KCNH5: variants seen among roughly 807,000 people sequenced by gnomAD.
The protein encoded by KCNH5 is potassium voltage-gated channel subfamily H member 5.
A neutral mutation model predicts 96.1 loss-of-function variants in KCNH5; 46 were observed. That is an observed-to-expected ratio of 0.48 (90% CI 0.38 to 0.61). The LOEUF is 0.61. Among genes scored for constraint, KCNH5 ranks in the 20% least tolerant of loss-of-function variants. The probability of loss-of-function intolerance (pLI) is 0.00; values close to 1 mark genes in which losing one functional copy is unlikely to be tolerated. For synonymous variants in KCNH5, 439 were observed against 449.8 expected, an observed-to-expected ratio of 0.98 and a Z score of 0.30; for missense variants, 907 against 1,225.8, an observed-to-expected ratio of 0.74 and a Z score of 3.88.
At chr14:62,994,365 C>T (rs1277151153) in intron 4 of KCNH5, among the ~76,000 whole-genome samples, 3 of 152,006 alleles carry the variant, frequency 2.0e-5, no homozygotes, top group African/African-American at 7.2e-5. Flanking sequence ...GTTTTGGAGT[C>T]TGTTTGAAAA....
At chr14:62,798,599 T>A (rs2139995850) in intron 9 of KCNH5, among the ~76,000 whole-genome samples, 1 of 152,336 alleles carries the variant, frequency 6.6e-6, no homozygotes, top group East Asian at 1.9e-4. Context: ...CTGAAAGAAC[T>A]TTGAAAGAAC....
chr14:62,830,417 T>A (rs1887319471), intron 8 of KCNH5, among the ~76,000 whole-genome samples: 2 of 152,176 alleles, frequency 1.3e-5, no homozygotes, highest in Admixed American at 1.3e-4. Context: ...GACTGGATAA[T>A]TTATGAAGAA....
At chr14:62,823,964 T>C (rs1168999113) in intron 8 of KCNH5, among the ~76,000 whole-genome samples, 1 of 151,900 alleles carries the variant, frequency 6.6e-6, no homozygotes, top group African/African-American at 2.4e-5. Flanking sequence ...AACGAATCTT[T>C]CTATGCAGAG....
intron 1 of KCNH5, among the ~76,000 whole-genome samples, chr14:63,024,470 A>G (rs1891489829): frequency 6.6e-6 from 1 of 152,066 alleles, no homozygotes; most frequent in Non-Finnish European, 1.5e-5. Context: ...CTAGAAAAAC[A>G]ACTTTAAAAG....
At chr14:62,713,026 A>C (rs1884605127) in intron 10 of KCNH5, among the ~76,000 whole-genome samples, 1 of 152,190 alleles carries the variant, frequency 6.6e-6, no homozygotes, top group Non-Finnish European at 1.5e-5. Context: ...CCTTGATTCC[A>C]CTTACACCTA....
rs1884345421 is a variant in KCNH5 at position 62,701,373 on chromosome 14, C to T, written c.*6135G>A. On this transcript the variant is annotated 3_prime_UTR_variant, in exon 11 of 11. Coordinates refer to ENST00000322893, the MANE Select transcript of KCNH5 (RefSeq NM_139318.5). ...AAAACTCATTAAAAGGAAGCAACTG[C>T]TGTCCCTTCTCCACACTCCTTTTTC... 1 of 152,186 alleles carries T rather than the reference C, an allele frequency of 6.6e-6. No homozygotes were observed. The allele number at this position is 152,186 out of a possible 1,614,324, so 9.4% of individuals were successfully genotyped here. A position where few individuals can be genotyped will look rare whatever the true frequency, so the allele number is the denominator to read the frequency against.
At chr14:62,908,557 G>C (rs568121272) in intron 7 of KCNH5, among the ~76,000 whole-genome samples, 3 of 152,204 alleles carry the variant, frequency 2.0e-5, no homozygotes, top group African/African-American at 4.8e-5. Flanking sequence ...ATCCTTCAAA[G>C]ATAGGAGACA....
chr14:62,911,424 C>A (rs964123587), intron 7 of KCNH5, among the ~76,000 whole-genome samples: 1 of 151,702 alleles, frequency 6.6e-6, no homozygotes, highest in African/African-American at 2.4e-5. Context: ...GAAAATTCAA[C>A]ATAATCTTAA....
chr14:62,996,078 C>T (rs1010339547), intron 4 of KCNH5, among the ~76,000 whole-genome samples: 11 of 152,128 alleles, frequency 7.2e-5, no homozygotes, highest in African/African-American at 2.4e-4. Context: ...ATCATGTCAT[C>T]GCACCCATTA....
chr14:62,896,682 T>C (rs751724227), intron 7 of KCNH5, among the ~76,000 whole-genome samples: 17 of 152,166 alleles, frequency 1.1e-4, no homozygotes, highest in Non-Finnish European at 2.4e-4. Flanking sequence ...TCTTTATAGG[T>C]ATCCTGATCA....
intron 7 of KCNH5, among the ~76,000 whole-genome samples, chr14:62,922,895 C>T (rs1679359681): frequency 6.6e-6 from 1 of 151,792 alleles, no homozygotes; most frequent in African/African-American, 2.4e-5. Context: ...ACAAGAATGC[C>T]CATTCTCACC....
At chr14:62,834,281 T>C (rs995525031) in intron 8 of KCNH5, among the ~76,000 whole-genome samples, 1 of 152,000 alleles carries the variant, frequency 6.6e-6, no homozygotes, top group African/African-American at 2.4e-5. Flanking sequence ...CATAACTACC[T>C]ATTCATGGCC....
chr14:62,995,065 C>A (rs1425528479), intron 4 of KCNH5, among the ~76,000 whole-genome samples: 1 of 152,056 alleles, frequency 6.6e-6, no homozygotes, highest in Admixed American at 6.6e-5. Flanking sequence ...TGGCTGCCAT[C>A]ACATGTTGTA....
At chr14:62,967,979 A>G (rs1890334497) in intron 6 of KCNH5, among the ~76,000 whole-genome samples, 2 of 152,222 alleles carry the variant, frequency 1.3e-5, no homozygotes, top group Non-Finnish European at 2.9e-5. Context: ...TGCTATCCTC[A>G]TTGCTTGTTA....
At chr14:62,957,384 G>T (rs2140135688) in intron 6 of KCNH5, among the ~76,000 whole-genome samples, 1 of 152,272 alleles carries the variant, frequency 6.6e-6, no homozygotes, top group East Asian at 1.9e-4. Context: ...CAATTAAGTG[G>T]AGATGAAAGA....
chr14:62,795,520 G>A (rs1399813762), intron 9 of KCNH5, among the ~76,000 whole-genome samples: 4 of 152,120 alleles, frequency 2.6e-5, no homozygotes, highest in African/African-American at 9.7e-5. Context: ...AAATACACAG[G>A]ATGATGTGCA....
At chr14:62,866,365 CA>C (rs1411841735) in intron 7 of KCNH5, among the ~76,000 whole-genome samples, 2 of 152,168 alleles carry the variant, frequency 1.3e-5, no homozygotes, top group Non-Finnish European at 2.9e-5. Flanking sequence ...CTGTAAGACA[CA>C]TTACTGAATT....
chr14:62,802,261 A>T, intron 9 of KCNH5, 68 bp downstream of exon 9: 1 of 1,527,296 alleles, frequency 6.5e-7, no homozygotes, highest in Non-Finnish European at 8.9e-7. Flanking sequence ...CTCTTTAAAA[A>T]TGCGAAAAGC....
intron 7 of KCNH5, among the ~76,000 whole-genome samples, chr14:62,932,351 T>C (rs1889596024): frequency 6.6e-6 from 1 of 151,334 alleles, no homozygotes; most frequent in Non-Finnish European, 1.5e-5. Flanking sequence ...GCAAGAGCTC[T>C]TGGAAATTAA....
Sources: allele counts gnomAD v4.1 joint callset (sites outside exome capture counted in the v4.1 genomes callset), GRCh38; gene constraint gnomAD v4.1.1; transcripts MANE v1.5; gene names NCBI Gene and HGNC (gene_info 2026-07-23, HGNC 2026-07-21).